The following SLC35A2 variants were observed in gnomAD, a reference collection of about 807,000 sequenced individuals.
The protein encoded by SLC35A2 is UDP-galactose translocator.
Under a neutral mutation model 17.3 loss-of-function variants are expected in SLC35A2, and 1 was observed. The observed-to-expected ratio is 0.06, with a 90% confidence interval of 0.02 to 0.27. SLC35A2 has a LOEUF of 0.27. Ranked by LOEUF, SLC35A2 falls within the 10% of genes least tolerant of loss-of-function variation. The pLI, the probability that SLC35A2 is intolerant of heterozygous loss-of-function variation, is 1.00. For synonymous variants in SLC35A2, 161 were observed against 161.3 expected, an observed-to-expected ratio of 1.00 and a Z score of 0.01; for missense variants, 191 against 339.3, an observed-to-expected ratio of 0.56 and a Z score of 3.43.
chrX:48,911,815 G>A (rs2063538616), upstream of SLC35A2: 1 of 1,166,240 alleles, frequency 8.6e-7, no homozygotes, highest in Admixed American at 2.6e-5. Context: ...TCCAAATTCC[G>A]TCGGATCGGG....
At chrX:48,904,316 G>T in intron 4 of SLC35A2, 1 of 1,028,523 alleles carries the variant, frequency 9.7e-7, no homozygotes, top group Non-Finnish European at 1.2e-6. Context: ...CATTCCTGAA[G>T]AGCTGCGGGA....
chrX:48,911,086 A>T (rs1370584449), intron 1 of SLC35A2, among the ~76,000 whole-genome samples: 1 of 110,747 alleles, frequency 9.0e-6, no homozygotes, highest in Non-Finnish European at 1.9e-5. Context: ...GCACATAATG[A>T]AAGACACCCC....
At chrX:48,904,642 G>A (rs781820972) in intron 4 of SLC35A2, 104 bp downstream of exon 4, 41 of 1,206,349 alleles carry the variant, frequency 3.4e-5, no homozygotes, top group African/African-American at 8.7e-5. Context: ...GCCAGGCCCC[G>A]GAGGGTGGCG....
chrX:48,907,921 C>T (rs1557043333), intron 2 of SLC35A2, among the ~76,000 whole-genome samples: 1 of 109,203 alleles, frequency 9.2e-6, no homozygotes, highest in African/African-American at 3.3e-5. Context: ...ACTCAGGAGG[C>T]TGAGGCAGGA....
At chrX:48,911,826 A>AGGCC, upstream of SLC35A2, 6 of 1,167,431 alleles carry the variant, frequency 5.1e-6, no homozygotes, top group Non-Finnish European at 6.9e-6. Context: ...TCGGATCGGG[A>AGGCC]GGCCGGGGAC....
At chrX:48,911,815 G>T (rs2063538616), upstream of SLC35A2, 1 of 1,167,380 alleles carries the variant, frequency 8.6e-7, no homozygotes, top group Middle Eastern at 2.3e-4. Flanking sequence ...TCCAAATTCC[G>T]TCGGATCGGG....
Position 48,904,895 on chromosome X carries a change from G to A in SLC35A2, c.1014C>T (p.Tyr338=), listed in dbSNP as rs1294919588. 2.5e-6 allele frequency: 3 copies of A among 1,209,931 alleles called. No individual in the cohort carries two copies. The Admixed American group carries it at 6.6e-5, about 26-fold the overall frequency. The change falls in exon 4 of 5, where the codon TAC becomes TAT. Residue 338 remains tyrosine (Y), a synonymous_variant. Coordinates refer to ENST00000247138, the MANE Select transcript of SLC35A2 (RefSeq NM_005660.3). ...CTTTGGCTGCACCTCGGGGAAGGCT[G>A]TAGAGGTAGACAGCACCAATGACGA... The part of the protein sequence containing the change: ...AGLVIGAVYL[Y]SLPRGAAKAI...
At chrX:48,903,824 GCAGGA>G in intron 4 of SLC35A2, 1 of 818,229 alleles carries the variant, frequency 1.2e-6, no homozygotes, top group Non-Finnish European at 1.5e-6. Flanking sequence ...TTTGGGGAGC[GCAGGA>G]GGCAGGTTCC....
At chrX:48,911,334 A>G in intron 1 of SLC35A2, 3 of 503,256 alleles carry the variant, frequency 6.0e-6, no homozygotes, top group Non-Finnish European at 1.0e-5. Flanking sequence ...CACACTCACA[A>G]TGGTCTCTAC....
At position 48,904,779 on chromosome X, in the gene SLC35A2, C is replaced by G. The variant is rs369048466; in HGVS notation, c.1130G>C (p.Arg377Pro). 9.9e-6 allele frequency: 12 copies of G among 1,209,745 alleles called. No homozygotes were observed. Among genetic ancestry groups the G allele is most frequent in the Non-Finnish European group, 1.3e-5 (12 of 894,968 alleles). ...AAAGGGCTCCGTGATGAGGTCTCCA[C>G]GGTGGGAAGACAGCTGCGGTGGTGG... ...QPPPPQLSSH[R>P]GDLITEPFLP... Residue 377 changes from arginine (R) to proline (P), a missense_variant, in exon 4 of 5, where the codon CGT (arginine) becomes CCT (proline). Physicochemically the swap from Arg to Pro is moderately radical, Grantham distance 103. Transcript: ENST00000247138.
Position 48,906,555 on chromosome X carries a change from G to A in SLC35A2, c.275-12C>T. 8.3e-7 allele frequency: 1 copy of A among 1,209,511 alleles called. No homozygotes were observed. The highest frequency in any genetic ancestry group is 1.8e-5 in the South Asian group (1 of 56,889). The stretch of plus-strand genomic sequence containing the variant: ...GTGCTTCACGTTACCTAGGTGGGAG[G>A]AGGAGAGCCCTTCTTAGCACTGACA... On this transcript the variant is annotated splice_polypyrimidine_tract_variant and intron_variant, in intron 2 of 4. Transcript: ENST00000247138.
chrX:48,903,537 T>C (rs1446469224), intron 4 of SLC35A2, 72 bp from the exon 5 acceptor site: 10 of 559,114 alleles, frequency 1.8e-5, no homozygotes, highest in Non-Finnish European at 3.2e-5. Context: ...CCTGAGCAAG[T>C]GAGGGCGGCG....
intron 3 of SLC35A2, 39 bp downstream of exon 3, chrX:48,906,353 A>C: frequency 8.4e-7 from 1 of 1,186,125 alleles, no homozygotes. Flanking sequence ...TCCCCAACCC[A>C]GTTAGTTCCT....
Position 48,905,208 on chromosome X carries a change from C to T in SLC35A2, c.701G>A (p.Arg234His), listed in dbSNP as rs1368661509. 2.5e-6 allele frequency: 3 copies of T among 1,206,630 alleles called. No homozygotes were observed. Among genetic ancestry groups the T allele is most frequent in the Non-Finnish European group, 3.4e-6 (3 of 893,583 alleles). Reference protein sequence around the residue: ...LKGSSGSVWLRNLQLGLFGTA... With the variant: ...LKGSSGSVWLHNLQLGLFGTA... ...GCCGAAGAGGCCCAGTTGCAGGTTG[C>T]GCAGCCACACGGAGCCTGAGCTGCC... is the stretch of plus-strand genomic sequence containing the variant. The change falls in exon 4 of 5, where the codon CGC becomes CAC. Residue 234 changes from arginine (R) to histidine (H), a missense_variant. By Grantham distance (29) the Arg-to-His change is conservative. This residue lies in a region of SLC35A2 where 164 missense variants were observed against 315.3 expected (regional missense o/e 0.52). Transcript: ENST00000247138.
At chrX:48,906,358 G>T (rs907910106) in intron 3 of SLC35A2, 34 bp downstream of exon 3, 2 of 1,191,844 alleles carry the variant, frequency 1.7e-6, no homozygotes, top group Admixed American at 2.2e-5. Flanking sequence ...AACCCAGTTA[G>T]TTCCTCTGGG....
At position 48,910,361 on chromosome X, in the gene SLC35A2, T is replaced by C. The variant is rs1418333933; in HGVS notation, c.92-365A>G. The C allele has an allele frequency of 1.9e-5, 18 of 950,117 alleles. No homozygotes were observed. The Admixed American group carries it at 3.2e-4, about 17-fold the overall frequency. 78.3% of individuals were successfully genotyped at this position (950,117 alleles called of 1,213,427 possible). A position where few individuals can be genotyped will look rare whatever the true frequency, so the allele number is the denominator to read the frequency against. On this transcript the variant is annotated intron_variant, in intron 1 of 4. Transcript: ENST00000247138. ...CGACAACTACATTCTCCACGTTTAT[T>C]GAGTGTTTACTGTATGCCTATCACT... is the stretch of plus-strand genomic sequence containing the variant.
upstream of SLC35A2, chrX:48,911,743 G>A (rs1602348155): frequency 6.9e-6 from 8 of 1,159,043 alleles, no homozygotes; most frequent in East Asian, 2.6e-4. Context: ...AGCCGGGATC[G>A]TCAGGGTGGT....
chrX:48,911,749 G>T, upstream of SLC35A2: 1 of 1,161,233 alleles, frequency 8.6e-7, no homozygotes, highest in Non-Finnish European at 1.2e-6. Flanking sequence ...GATCGTCAGG[G>T]TGGTGGCTTT....
Position 48,911,397 on chromosome X carries a change from C to A in SLC35A2, c.91+149G>T, listed in dbSNP as rs781931872. On this transcript the variant is annotated intron_variant, in intron 1 of 4. Coordinates refer to ENST00000247138, the MANE Select transcript of SLC35A2 (RefSeq NM_005660.3). ...CACTCTCAGAATGTTCTCTTCCCCG[C>A]CCCCAACACACTGACAATGTGCACA... 30 of 728,367 alleles carry A rather than the reference C, an allele frequency of 4.1e-5. No homozygotes were observed. The East Asian group carries it at 1.0e-3, about 25-fold the overall frequency. 60.0% of individuals were successfully genotyped at this position (728,367 alleles called of 1,213,427 possible).
Sources: gnomAD v4.1 joint callset for allele counts (sites outside exome capture counted in the v4.1 genomes callset) on GRCh38, gnomAD v4.1.1 for gene constraint, gnomAD v4.1.1 regional missense constraint, MANE v1.5 for transcripts, NCBI Gene and HGNC (gene_info 2026-07-23, HGNC 2026-07-21) for gene names.